The following UST variants were observed in gnomAD, a reference collection of about 807,000 sequenced individuals.
UST encodes uronyl 2-sulfotransferase.
A neutral mutation model predicts 45.6 loss-of-function variants in UST; 21 were observed. That is an observed-to-expected ratio of 0.46 (90% CI 0.33 to 0.66). The LOEUF (loss-of-function observed/expected upper bound fraction) is 0.66. Ranked by LOEUF, UST falls within the 30% of genes least tolerant of loss-of-function variation. The pLI, the probability that UST is intolerant of heterozygous loss-of-function variation, is 0.02. For synonymous variants in UST, 215 were observed against 200.6 expected (o/e 1.07, Z -0.61); for missense variants, 463 against 512.4 (o/e 0.90, Z 0.93).
At chr6:149,035,731 G>A (rs778380059) in intron 7 of UST, among the ~76,000 whole-genome samples, 26 of 151,362 alleles carry the variant, frequency 1.7e-4, no homozygotes, top group African/African-American at 2.7e-4. Context: ...GTGCCACTGC[G>A]CTTCAGCCTG....
intron 7 of UST, among the ~76,000 whole-genome samples, chr6:149,036,463 C>T (rs55658796): frequency 0.033 from 5,081 of 152,264 alleles, 262 homozygotes; most frequent in African/African-American, 0.12. Flanking sequence ...AATAAAATGC[C>T]ATCTTTAATA....
intron 1 of UST, among the ~76,000 whole-genome samples, chr6:148,798,606 A>T (rs937479172): frequency 2.6e-5 from 4 of 152,138 alleles, no homozygotes; most frequent in Non-Finnish European, 4.4e-5. Flanking sequence ...GGGACCACTC[A>T]TATTTAAGTG....
At chr6:149,037,550 G>C (rs1223168615) in intron 7 of UST, among the ~76,000 whole-genome samples, 2 of 152,226 alleles carry the variant, frequency 1.3e-5, no homozygotes, top group Non-Finnish European at 2.9e-5. Context: ...AGCACAGAAG[G>C]AAGAGTGTTC....
intron 7 of UST, among the ~76,000 whole-genome samples, chr6:149,045,565 G>A (rs1041635216): frequency 2.6e-5 from 4 of 152,168 alleles, no homozygotes; most frequent in Admixed American, 2.0e-4. Context: ...CGGATCTCTA[G>A]GCACAGGCTT....
chr6:148,893,750 T>C (rs545840227), intron 2 of UST, among the ~76,000 whole-genome samples: 1 of 152,328 alleles, frequency 6.6e-6, no homozygotes, highest in Non-Finnish European at 1.5e-5. Flanking sequence ...TGCTGGATGC[T>C]ATGATGAGGA....
intron 1 of UST, among the ~76,000 whole-genome samples, chr6:148,793,351 C>T (rs776113473): frequency 1.1e-4 from 17 of 152,162 alleles, no homozygotes; most frequent in African/African-American, 2.4e-4. Flanking sequence ...TCATAAGTGA[C>T]AGCTTACTGA....
chr6:148,831,074 G>A (rs1035690729), intron 1 of UST, among the ~76,000 whole-genome samples: 2 of 148,178 alleles, frequency 1.3e-5, no homozygotes, highest in Non-Finnish European at 3.0e-5. Flanking sequence ...AAAAGGGGGG[G>A]GTGGGAAGAA....
chr6:149,074,020 A>G lies in UST; in HGVS notation c.1125A>G (p.Pro375=). 1 of 1,614,210 alleles carries G rather than the reference A, an allele frequency of 6.2e-7. No individual in the cohort carries two copies. The highest frequency in any genetic ancestry group is 2.2e-5 in the East Asian group (1 of 44,882). The change falls in exon 8 of 8, where the codon CCA becomes CCG. Residue 375 remains proline, a synonymous_variant. Coordinates refer to ENST00000367463, the MANE Select transcript of UST (RefSeq NM_005715.3). ...ACGTCAGCAAGCCCCCCCTGAGGCCACACTTCTTTATCCCAACTCCACTGG... is the reference window on the plus strand; with the variant it reads ...ACGTCAGCAAGCCCCCCCTGAGGCCGCACTTCTTTATCCCAACTCCACTGG... ...KSHVSKPPLR[P]HFFIPTPLET...
chr6:148,845,273 G>A (rs567367912), intron 1 of UST, among the ~76,000 whole-genome samples: 6 of 152,270 alleles, frequency 3.9e-5, no homozygotes, highest in African/African-American at 9.6e-5. Context: ...GTGTATATGC[G>A]TTTCTGTTTC....
At chr6:148,858,890 G>C (rs1472623342) in intron 1 of UST, among the ~76,000 whole-genome samples, 2 of 152,072 alleles carry the variant, frequency 1.3e-5, no homozygotes, top group Non-Finnish European at 2.9e-5. Context: ...TTTTAATCCA[G>C]CCTATCATTG....
intron 2 of UST, among the ~76,000 whole-genome samples, chr6:148,940,984 A>G (rs1780114944): frequency 6.6e-6 from 1 of 152,218 alleles, no homozygotes; most frequent in Non-Finnish European, 1.5e-5. Flanking sequence ...GAACATATTT[A>G]TGTATTTTGT....
At chr6:148,803,921 G>T (rs1777100392) in intron 1 of UST, among the ~76,000 whole-genome samples, 1 of 152,176 alleles carries the variant, frequency 6.6e-6, no homozygotes, top group Admixed American at 6.5e-5. Context: ...TCTTCCCTGA[G>T]TTGCCTTGTG....
At chr6:148,996,473 C>T (rs1306792773) in intron 5 of UST, among the ~76,000 whole-genome samples, 2 of 152,222 alleles carry the variant, frequency 1.3e-5, no homozygotes, top group East Asian at 1.9e-4. Context: ...CCTGCCCCGG[C>T]TTCCCAAAGT....
chr6:148,917,308 A>G (rs1779609228), intron 2 of UST, among the ~76,000 whole-genome samples: 1 of 152,194 alleles, frequency 6.6e-6, no homozygotes, highest in South Asian at 2.1e-4. Flanking sequence ...TTAGCCCATT[A>G]CCTAGTACAC....
intron 1 of UST, among the ~76,000 whole-genome samples, chr6:148,759,601 C>T (rs1776168002): frequency 6.6e-6 from 1 of 151,870 alleles, no homozygotes; most frequent in Non-Finnish European, 1.5e-5. Context: ...GTAATCCCAG[C>T]TCCCTGGGAG....
At chr6:148,957,194 C>T (rs1291243590) in intron 4 of UST, among the ~76,000 whole-genome samples, 1 of 152,206 alleles carries the variant, frequency 6.6e-6, no homozygotes, top group African/African-American at 2.4e-5. Flanking sequence ...CCAGGAGCAA[C>T]CTCTTCCTCT....
chr6:148,954,337 G>A (rs1780437383), intron 4 of UST, among the ~76,000 whole-genome samples: 1 of 152,144 alleles, frequency 6.6e-6, no homozygotes, highest in Non-Finnish European at 1.5e-5. Flanking sequence ...TAGTGCTAGA[G>A]TAATGAGTAT....
intron 5 of UST, among the ~76,000 whole-genome samples, chr6:149,013,539 G>A (rs921445055): frequency 6.6e-6 from 1 of 150,972 alleles, no homozygotes; most frequent in African/African-American, 2.4e-5. Context: ...AAAAAAAAGA[G>A]AAAAAAAAAG....
At chr6:148,844,371 G>A (rs1777944554) in intron 1 of UST, among the ~76,000 whole-genome samples, 1 of 152,158 alleles carries the variant, frequency 6.6e-6, no homozygotes, top group Admixed American at 6.6e-5. Flanking sequence ...CAAAGATGCA[G>A]TAGGAACCCA....
Sources: allele counts gnomAD v4.1 joint callset (sites outside exome capture counted in the v4.1 genomes callset), GRCh38; gene constraint gnomAD v4.1.1; transcripts MANE v1.5; gene names NCBI Gene and HGNC (gene_info 2026-07-23, HGNC 2026-07-21).